Variants in CNGB1 observed in about 807,000 individuals in gnomAD.
CNGB1 encodes cyclic nucleotide gated channel subunit beta 1.
CNGB1 carries 126 observed loss-of-function variants against 151.7 expected under a neutral mutation model. The observed-to-expected ratio is 0.83, with a 90% CI of 0.72 to 0.96. The LOEUF is 0.96. Among genes scored for constraint, CNGB1 ranks in the 40% least tolerant of loss-of-function variants. CNGB1 has a pLI of 0.00. For synonymous variants in CNGB1, 623 were observed against 635.1 expected, an observed-to-expected ratio of 0.98 and a Z score of 0.29; for missense variants, 1,698 against 1,627.0, an observed-to-expected ratio of 1.04 and a Z score of -0.75.
intron 16 of CNGB1, among the ~76,000 whole-genome samples, chr16:57,937,602 C>G (rs905580899): frequency 6.6e-6 from 1 of 152,180 alleles, no homozygotes; most frequent in Non-Finnish European, 1.5e-5. Context: ...TACCAACCAC[C>G]GGCAGCATTT....
chr16:57,915,180 G>T, intron 23 of CNGB1, 69 bp downstream of exon 23: 1 of 1,299,642 alleles, frequency 7.7e-7, no homozygotes, highest in Non-Finnish European at 1.1e-6. Flanking sequence ...GGGCAGACAC[G>T]AAGATGCCAG....
chr16:57,970,590 A>G (rs1245566155), intron 1 of CNGB1, among the ~76,000 whole-genome samples: 2 of 152,198 alleles, frequency 1.3e-5, no homozygotes, highest in Non-Finnish European at 2.9e-5. Flanking sequence ...CCCAGCAGGC[A>G]GCAATTCTCG....
intron 6 of CNGB1, 116 bp from the exon 7 acceptor site, chr16:57,962,726 C>T (rs1597015070): frequency 7.6e-6 from 12 of 1,568,960 alleles, no homozygotes; most frequent in Admixed American, 1.7e-5. Context: ...AAAGCAGGGT[C>T]AGTCAGGTGA....
chr16:57,965,344 C>T (rs1962366460), intron 2 of CNGB1, among the ~76,000 whole-genome samples: 1 of 152,158 alleles, frequency 6.6e-6, no homozygotes, highest in Admixed American at 6.5e-5. Flanking sequence ...CATATATGTG[C>T]ATACAGTCAT....
intron 31 of CNGB1, among the ~76,000 whole-genome samples, chr16:57,892,797 A>C (rs1370770386): frequency 3.3e-5 from 5 of 152,148 alleles, no homozygotes; most frequent in Non-Finnish European, 4.4e-5. Context: ...GTACCCAGCC[A>C]TCAGTCCCCC....
At chr16:57,907,002 G>A (rs1960568823) in intron 25 of CNGB1, among the ~76,000 whole-genome samples, 1 of 152,198 alleles carries the variant, frequency 6.6e-6, no homozygotes, top group Non-Finnish European at 1.5e-5. Flanking sequence ...CTTTGTAAAA[G>A]TTGTTATTCT....
intron 11 of CNGB1, among the ~76,000 whole-genome samples, chr16:57,957,671 A>G (rs1433746868): frequency 6.6e-6 from 1 of 152,218 alleles, no homozygotes; most frequent in Non-Finnish European, 1.5e-5. Flanking sequence ...GAGTGACACA[A>G]AGGCCCAGGA....
chr16:57,927,112 A>G (rs1231562715), intron 17 of CNGB1, among the ~76,000 whole-genome samples: 1 of 152,248 alleles, frequency 6.6e-6, no homozygotes, highest in Non-Finnish European at 1.5e-5. Context: ...CCCTGTGCTC[A>G]GTACCTTAGG....
chr16:57,904,109 G>A, intron 26 of CNGB1, 128 bp from the exon 27 acceptor site: 2 of 770,486 alleles, frequency 2.6e-6, no homozygotes, highest in South Asian at 1.5e-5. Flanking sequence ...CGTTGGGAGG[G>A]GGGTAGGCAG....
chr16:57,903,927 T>G lies in CNGB1; in HGVS notation c.2689A>C (p.Met897Leu). 2 of 1,614,106 alleles carry G rather than the reference T, an allele frequency of 1.2e-6. No homozygotes were observed. Among genetic ancestry groups the G allele is most frequent in the Non-Finnish European group, 1.7e-6 (2 of 1,179,996 alleles). The part of the protein sequence containing the change: ...TAGQTYYRSC[M>L]DSTVKYMNFY... Reference sequence around the variant, plus strand: ...TTCATGTACTTCACCGTGCTGTCCATGCAGCTGCGGTAGTAGGTCTGTCCG... The same window carrying G: ...TTCATGTACTTCACCGTGCTGTCCAGGCAGCTGCGGTAGTAGGTCTGTCCG... The change falls in exon 27 of 33, where the codon ATG (methionine) becomes CTG (leucine). Residue 897 changes from methionine to leucine, a missense_variant. Physicochemically the swap from Met to Leu is conservative, Grantham distance 15. Transcript: ENST00000251102.
At chr16:57,908,250 C>T (rs528948714) in intron 25 of CNGB1, among the ~76,000 whole-genome samples, 27 of 152,340 alleles carry the variant, frequency 1.8e-4, no homozygotes, top group African/African-American at 5.5e-4. Context: ...CAGAAGGCGA[C>T]GGCCATAGCC....
chr16:57,920,502 G>T lies in CNGB1; in HGVS notation c.1686C>A (p.Ala562=), dbSNP rs757118233. The change falls in exon 19 of 33, where the codon GCC becomes GCA. Residue 562 remains alanine (A), a synonymous_variant. Coordinates refer to ENST00000251102, the MANE Select transcript of CNGB1 (RefSeq NM_001297.5). The part of the protein sequence containing the change: ...RAASTASTNS[A]IINDRLQELV... ...GCTCCTGGAGCCGGTCGTTGATGAT[G>T]GCGCTATTTGTGCTGGCCGTGGAGG... The T allele has an allele frequency of 6.2e-7, 1 of 1,614,054 alleles. No individual in the cohort carries two copies. Among genetic ancestry groups the T allele is most frequent in the South Asian group, 1.1e-5 (1 of 91,080 alleles).
At chr16:57,918,038 C>CATGG (rs71155216) in intron 20 of CNGB1, among the ~76,000 whole-genome samples, 13,285 of 149,768 alleles carry the variant, frequency 0.089, 705 homozygotes, top group African/African-American at 0.14. Flanking sequence ...CAGGTGAATG[C>CATGG]ATGGATGGAT....
intron 24 of CNGB1, 39 bp from the exon 25 acceptor site, chr16:57,911,914 G>A (rs1489423591): frequency 1.4e-5 from 23 of 1,609,334 alleles, no homozygotes; most frequent in Non-Finnish European, 1.9e-5. Context: ...AGCGGCGGAA[G>A]GGGGAGGTGA....
At chr16:57,958,911 T>C (rs898869875) in intron 10 of CNGB1, among the ~76,000 whole-genome samples, 178 of 147,086 alleles carry the variant, frequency 1.2e-3, no homozygotes, top group African/African-American at 4.2e-3. Flanking sequence ...GCACATGCCA[T>C]CATGCCCAGC....
At chr16:57,959,657 T>A (rs1437226131) in intron 10 of CNGB1, among the ~76,000 whole-genome samples, 1 of 152,020 alleles carries the variant, frequency 6.6e-6, no homozygotes. Flanking sequence ...GTATGTATAG[T>A]TTGCTCCTGT....
At chr16:57,913,927 A>G (rs182471360) in intron 23 of CNGB1, among the ~76,000 whole-genome samples, 8 of 152,326 alleles carry the variant, frequency 5.3e-5, no homozygotes, top group African/African-American at 1.7e-4. Context: ...CAGCATTCCA[A>G]CCCAGGCCAG....
chr16:57,959,153 C>T (rs369799515), intron 10 of CNGB1, among the ~76,000 whole-genome samples: 10 of 151,990 alleles, frequency 6.6e-5, no homozygotes, highest in East Asian at 1.9e-4. Context: ...GATGCATGCA[C>T]GGGTTATTGA....
chr16:57,926,483 C>A (rs892488245), intron 17 of CNGB1, among the ~76,000 whole-genome samples: 1 of 152,214 alleles, frequency 6.6e-6, no homozygotes, highest in African/African-American at 2.4e-5. Context: ...GTGTGACATC[C>A]ACCTTGATTC....
Sources: gnomAD v4.1 joint callset for allele counts (sites outside exome capture counted in the v4.1 genomes callset) on GRCh38, gnomAD v4.1.1 for gene constraint, MANE v1.5 for transcripts, NCBI Gene and HGNC (gene_info 2026-07-23, HGNC 2026-07-21) for gene names.